The following CWC27 variants were observed in gnomAD, a reference collection of about 807,000 sequenced individuals.
CWC27 encodes the protein CWC27 spliceosome associated cyclophilin, also known as spliceosome-associated protein CWC27 homolog.
In CWC27, 47 loss-of-function variants were observed where a neutral mutation model predicts 63.6. The ratio of observed to expected loss-of-function variants is 0.74; its 90% CI spans 0.58 to 0.94. The LOEUF is 0.94. Among genes scored for constraint, CWC27 ranks in the 40% least tolerant of loss-of-function variants. The pLI, the probability that CWC27 is intolerant of heterozygous loss-of-function variation, is 0.00. For synonymous variants in CWC27, 175 were observed against 179.8 expected, an observed-to-expected ratio of 0.97 and a Z score of 0.22; for missense variants, 495 against 554.3, an observed-to-expected ratio of 0.89 and a Z score of 1.07.
intron 11 of CWC27, among the ~76,000 whole-genome samples, chr5:64,920,072 T>C (rs535045174): frequency 6.6e-6 from 1 of 152,330 alleles, no homozygotes; most frequent in South Asian, 2.1e-4. Context: ...TTCAAGTGAT[T>C]CTTCCACCTC....
At position 64,971,177 on chromosome 5, in the gene CWC27, A is replaced by C. The variant is rs1749119121; in HGVS notation, c.1043-526A>C. Among the ~76,000 whole-genome samples the C allele has an allele frequency of 2.0e-5, 3 of 152,164 alleles. No individual in the cohort carries two copies. In the South Asian group the frequency reaches 6.2e-4, roughly 32 times the overall value. On this transcript the variant is annotated intron_variant, in intron 11 of 13. Coordinates refer to ENST00000381070, the MANE Select transcript of CWC27 (RefSeq NM_005869.4). ...CCTATAGATTTGTTTTCTAATTTCTAATTCAGTAAAGATTATTTTTGTCTG... is the reference window on the plus strand; with the variant it reads ...CCTATAGATTTGTTTTCTAATTTCTCATTCAGTAAAGATTATTTTTGTCTG...
chr5:64,855,819 T>C (rs1746242841), intron 10 of CWC27, among the ~76,000 whole-genome samples: 1 of 152,098 alleles, frequency 6.6e-6, no homozygotes, highest in Admixed American at 6.5e-5. Flanking sequence ...CCAGATCAAA[T>C]ACATGGGAAT....
intron 11 of CWC27, among the ~76,000 whole-genome samples, chr5:64,912,945 A>G (rs1364429918): frequency 6.6e-6 from 1 of 152,206 alleles, no homozygotes; most frequent in Non-Finnish European, 1.5e-5. Context: ...TAATCTTGAT[A>G]ATAAAACCTG....
Position 65,010,773 on chromosome 5 carries a change from A to T in CWC27, c.1257-7386A>T, listed in dbSNP as rs529445511. ...AAGATAAGTGTTGGATTTTCATATC[A>T]TAAAGTTAGTAGTAGTAGAAATACC... On this transcript the variant is annotated intron_variant, in intron 13 of 13. Transcript: ENST00000381070. Among the ~76,000 whole-genome samples, 9 of 152,362 alleles carry T rather than the reference A, an allele frequency of 5.9e-5. No individual in the cohort carries two copies. The South Asian group carries it at 1.9e-3, about 32-fold the overall frequency.
chr5:64,924,596 A>G (rs925974669), intron 11 of CWC27, among the ~76,000 whole-genome samples: 1 of 152,014 alleles, frequency 6.6e-6, no homozygotes, highest in Admixed American at 6.6e-5. Flanking sequence ...TCAAATTATC[A>G]CCCCAAATCT....
intron 10 of CWC27, among the ~76,000 whole-genome samples, chr5:64,865,132 A>C (rs1183831143): frequency 1.3e-5 from 2 of 152,094 alleles, no homozygotes; most frequent in African/African-American, 4.8e-5. Context: ...TTAAAAAAAA[A>C]AAAACTTGGG....
intron 10 of CWC27, among the ~76,000 whole-genome samples, chr5:64,834,106 A>G (rs1364846862): frequency 6.6e-6 from 1 of 151,106 alleles, no homozygotes; most frequent in Admixed American, 6.6e-5. Flanking sequence ...TTTTTTTTAA[A>G]GAAATCACAT....
chr5:64,995,648 G>A (rs1749617909), intron 13 of CWC27, among the ~76,000 whole-genome samples: 1 of 152,030 alleles, frequency 6.6e-6, no homozygotes, highest in South Asian at 2.1e-4. Context: ...TTCTTTATCA[G>A]AGTAAGGCCT....
intron 11 of CWC27, among the ~76,000 whole-genome samples, chr5:64,896,699 G>T (rs1273723358): frequency 6.6e-6 from 1 of 151,094 alleles, no homozygotes; most frequent in Non-Finnish European, 1.5e-5. Flanking sequence ...CAACCCAAAG[G>T]GGATAAGAAA....
intron 10 of CWC27, among the ~76,000 whole-genome samples, chr5:64,839,785 C>T (rs1745754034): frequency 6.6e-6 from 1 of 151,890 alleles, no homozygotes; most frequent in Admixed American, 6.6e-5. Context: ...ATCTGTGGCA[C>T]TTATCTAAGG....
chr5:65,002,530 T>C (rs1749748718), intron 13 of CWC27, among the ~76,000 whole-genome samples: 1 of 152,206 alleles, frequency 6.6e-6, no homozygotes, highest in African/African-American at 2.4e-5. Context: ...TTCTCCTTAA[T>C]TTCTTCATTG....
chr5:64,919,914 G>C (rs912253711), intron 11 of CWC27, among the ~76,000 whole-genome samples: 2 of 152,084 alleles, frequency 1.3e-5, no homozygotes, highest in Non-Finnish European at 2.9e-5. Context: ...ATTTTCTTTT[G>C]GATATTTACC....
At chr5:64,959,555 G>C (rs1184996419) in intron 11 of CWC27, among the ~76,000 whole-genome samples, 1 of 152,196 alleles carries the variant, frequency 6.6e-6, no homozygotes, top group Non-Finnish European at 1.5e-5. Context: ...TTAGTGCCCA[G>C]TGGCCCTAAT....
At chr5:64,814,884 TA>T (rs968584814) in intron 10 of CWC27, among the ~76,000 whole-genome samples, 74 of 152,242 alleles carry the variant, frequency 4.9e-4, no homozygotes, top group African/African-American at 1.8e-3. Context: ...TAAGGTGTAG[TA>T]TCTGTGGGGA....
chr5:64,815,060 A>G (rs897524377), intron 10 of CWC27, among the ~76,000 whole-genome samples: 1 of 152,104 alleles, frequency 6.6e-6, no homozygotes, highest in Admixed American at 6.6e-5. Flanking sequence ...AAGCATTGAG[A>G]TAGGAACACT....
intron 10 of CWC27, among the ~76,000 whole-genome samples, chr5:64,848,576 C>T (rs781114734): frequency 3.3e-5 from 5 of 152,020 alleles, no homozygotes; most frequent in Non-Finnish European, 7.4e-5. Context: ...AGCATAGATG[C>T]AAAAATCCTC....
chr5:64,835,611 C>T (rs1168933611), intron 10 of CWC27, among the ~76,000 whole-genome samples: 2 of 151,752 alleles, frequency 1.3e-5, no homozygotes, highest in Admixed American at 1.3e-4. Context: ...TAATTTGCCA[C>T]GAACTGATGG....
chr5:64,865,351 C>A (rs1206953649), intron 10 of CWC27, among the ~76,000 whole-genome samples: 1 of 151,908 alleles, frequency 6.6e-6, no homozygotes, highest in Non-Finnish European at 1.5e-5. Context: ...ATTGTGTGTT[C>A]AGTTTTGGAA....
chr5:64,774,442 A>G (rs1440755347), intron 1 of CWC27, among the ~76,000 whole-genome samples: 1 of 152,254 alleles, frequency 6.6e-6, no homozygotes, highest in East Asian at 1.9e-4. Flanking sequence ...CTGTGATTAA[A>G]AAAGATATAT....
Sources: gnomAD v4.1 joint callset for allele counts (sites outside exome capture counted in the v4.1 genomes callset) on GRCh38, gnomAD v4.1.1 for gene constraint, MANE v1.5 for transcripts, NCBI Gene and HGNC (gene_info 2026-07-23, HGNC 2026-07-21) for gene names.